GFOD1: variants seen among roughly 807,000 people sequenced by gnomAD.
GFOD1 encodes Gfo/Idh/MocA-like oxidoreductase domain containing 1, also known as glucose-fructose oxidoreductase domain-containing protein 1.
A neutral mutation model predicts 25.4 loss-of-function variants in GFOD1; 9 were observed. The observed-to-expected ratio is 0.35, with a 90% CI of 0.21 to 0.62. The LOEUF (loss-of-function observed/expected upper bound fraction) is 0.62, where lower values mean the gene tolerates loss of function less well. Among genes scored for constraint, GFOD1 ranks in the 20% least tolerant of loss-of-function variants. GFOD1 has a pLI of 0.72. For synonymous variants in GFOD1, 253 were observed against 245.6 expected (o/e 1.03, Z -0.28); for missense variants, 403 against 556.9 (o/e 0.72, Z 2.78).
In GFOD1 at chr6:13,422,191, A is replaced by G. The variant is rs180817944; in HGVS notation, c.254-56529T>C. Reference sequence around the variant, plus strand: ...CCTTTTCCAATTAAGGCTGCCATTCAATACTTAGGTTCTGGTGACAACAAA... The same window carrying G: ...CCTTTTCCAATTAAGGCTGCCATTCGATACTTAGGTTCTGGTGACAACAAA... On this transcript the variant is annotated intron_variant, in intron 1 of 1. Transcript: ENST00000379287. 1.1e-3 allele frequency among the ~76,000 whole-genome samples: 160 copies of G among 152,242 alleles called. 1 individual carries two copies. Among genetic ancestry groups the G allele is most frequent in the African/African-American group, 3.6e-3 (151 of 41,544 alleles).
intron 1 of GFOD1, among the ~76,000 whole-genome samples, chr6:13,453,216 A>G (rs909609348): frequency 2.0e-5 from 3 of 152,166 alleles, no homozygotes; most frequent in African/African-American, 7.2e-5. Flanking sequence ...TGAAATTTCC[A>G]TCCTGCTTCC....
chr6:13,411,511 C>T (rs930469317), intron 1 of GFOD1, among the ~76,000 whole-genome samples: 3 of 151,954 alleles, frequency 2.0e-5, no homozygotes, highest in Non-Finnish European at 4.4e-5. Flanking sequence ...AGGCTGGTCT[C>T]GATCTCCTGA....
At chr6:13,463,795 CTA>C (rs1052760073) in intron 1 of GFOD1, among the ~76,000 whole-genome samples, 20 of 152,052 alleles carry the variant, frequency 1.3e-4, no homozygotes, top group Non-Finnish European at 2.8e-4. Context: ...TATATATATG[CTA>C]TATAGGTACA....
intron 1 of GFOD1, among the ~76,000 whole-genome samples, chr6:13,409,836 T>A (rs1438052672): frequency 6.7e-6 from 1 of 149,640 alleles, no homozygotes; most frequent in Non-Finnish European, 1.5e-5. Context: ...GGCAGGAGAA[T>A]GGTGTAAACC....
In GFOD1 at chr6:13,358,367, T is replaced by C. The variant is rs948965103; in HGVS notation, c.*6376A>G. 6.6e-6 allele frequency: 1 copy of C among 152,116 alleles called. No individual in the cohort carries two copies. The highest frequency in any genetic ancestry group is 2.4e-5 in the African/African-American group (1 of 41,426). The allele number at this position is 152,116 out of a possible 1,614,324, so 9.4% of individuals were successfully genotyped here. A position where few individuals can be genotyped will look rare whatever the true frequency, so the allele number is the denominator to read the frequency against. On this transcript the variant is annotated 3_prime_UTR_variant, in exon 2 of 2. Transcript: ENST00000379287. ...ATGTTTGTAAAACACAATAAATATA[T>C]ACTCGACAATGACAGCCAAACAAAT...
chr6:13,409,700 T>C (rs1389015165), intron 1 of GFOD1, among the ~76,000 whole-genome samples: 3 of 152,160 alleles, frequency 2.0e-5, no homozygotes, highest in Non-Finnish European at 4.4e-5. Flanking sequence ...GATGGGCAGA[T>C]CACGAGGTTG....
rs768632234 is a variant in GFOD1, at chr6:13,365,103, G to A, written c.813C>T (p.Ser271=). 2 of 1,612,542 alleles carry A rather than the reference G, an allele frequency of 1.2e-6. No homozygotes were observed. The highest frequency in any genetic ancestry group is 1.1e-5 in the South Asian group (1 of 91,050). ...VGTDLYGQRN[S]APEQELLVQD... is the part of the protein sequence containing the mutation. ...GCACCAGCAGCTCCTGCTCCGGGGC[G>A]CTGTTGCGCTGCCCGTACAGGTCGG... The change falls in exon 2 of 2, where the codon AGC becomes AGT. Residue 271 remains serine (S), a synonymous_variant. Coordinates refer to ENST00000379287, the MANE Select transcript of GFOD1 (RefSeq NM_018988.4). The surrounding 1 kb of genome is among the most constrained non-coding windows in gnomAD (Gnocchi z 9.2).
intron 1 of GFOD1, among the ~76,000 whole-genome samples, chr6:13,392,986 C>T (rs1292260756): frequency 6.6e-6 from 1 of 151,970 alleles, no homozygotes; most frequent in African/African-American, 2.4e-5. Context: ...TGCTTGAGCC[C>T]AGGACTTCAA....
At chr6:13,454,153 C>T (rs1409241118) in intron 1 of GFOD1, among the ~76,000 whole-genome samples, 1 of 152,178 alleles carries the variant, frequency 6.6e-6, no homozygotes, top group African/African-American at 2.4e-5. Context: ...GGCCAAGGAG[C>T]ATCAGAGACT....
Position 13,430,067 on chromosome 6 carries a change from T to A in GFOD1, c.253+56571A>T, listed in dbSNP as rs150514044. On this transcript the variant is annotated intron_variant, in intron 1 of 1. Coordinates refer to ENST00000379287, the MANE Select transcript of GFOD1 (RefSeq NM_018988.4). This position sits in a 1 kb window ranked among gnomAD's most constrained non-coding sequence, Gnocchi z 4.1. The stretch of plus-strand genomic sequence containing the variant: ...AAAATATGCAGTGGAAATGGCACCA[T>A]GTCACTTCCAAGGGTCAGCTATAAA... Among the ~76,000 whole-genome samples, 29 of 152,310 alleles carry A rather than the reference T, an allele frequency of 1.9e-4. No individual in the cohort carries two copies. In the East Asian group the frequency reaches 5.2e-3, roughly 27 times the overall value.
rs35721181 is a variant in GFOD1 at position 13,360,836 on chromosome 6, C to A, written c.*3907G>T. ...AGACCCCGTAGACATTGATAAGGAG[C>A]GGTTTCCTGCCTGGCAAGAACAGGA... On this transcript the variant is annotated 3_prime_UTR_variant, in exon 2 of 2. Transcript: ENST00000379287. 86 of 456,558 alleles carry A rather than the reference C, an allele frequency of 1.9e-4. No individual in the cohort carries two copies. Among genetic ancestry groups the A allele is most frequent in the Non-Finnish European group, 3.3e-4 (76 of 226,958 alleles). 28.3% of individuals were successfully genotyped at this position (456,558 alleles called of 1,614,324 possible).
chr6:13,425,968 A>C (rs1276294459), intron 1 of GFOD1, among the ~76,000 whole-genome samples: 1 of 152,222 alleles, frequency 6.6e-6, no homozygotes, highest in Non-Finnish European at 1.5e-5. Context: ...GTTGAGCCAC[A>C]TTCAAAGCCG....
chr6:13,378,374 G>A (rs1197008181), intron 1 of GFOD1, among the ~76,000 whole-genome samples: 1 of 152,198 alleles, frequency 6.6e-6, no homozygotes, highest in Non-Finnish European at 1.5e-5. Context: ...ATTGTATTGA[G>A]AAGATTTGGG....
At position 13,393,280 on chromosome 6, in the gene GFOD1, C is replaced by T. The variant is rs1230826044; in HGVS notation, c.254-27618G>A. ...CTGAGGGAGGAGAATCACTTGAACC[C>T]GAGAGGCAGAGGTTGCAGTGGGTGG... On this transcript the variant is annotated intron_variant, in intron 1 of 1. Coordinates refer to ENST00000379287, the MANE Select transcript of GFOD1 (RefSeq NM_018988.4). Among the ~76,000 whole-genome samples the T allele has an allele frequency of 6.7e-5, 10 of 148,972 alleles. No individual in the cohort carries two copies. The East Asian group carries it at 1.4e-3, about 21-fold the overall frequency.
chr6:13,436,196 A>G (rs1310443971), intron 1 of GFOD1, among the ~76,000 whole-genome samples: 1 of 152,254 alleles, frequency 6.6e-6, no homozygotes, highest in African/African-American at 2.4e-5. Context: ...AGCTAAAAGT[A>G]TACAAACATG....
chr6:13,425,485 A>G (rs775899768), intron 1 of GFOD1, among the ~76,000 whole-genome samples: 10 of 152,212 alleles, frequency 6.6e-5, no homozygotes, highest in Non-Finnish European at 1.2e-4. Context: ...TAAAATAGAC[A>G]GGATTAGGAG....
chr6:13,389,129 G>C (rs1785533709), intron 1 of GFOD1, among the ~76,000 whole-genome samples: 1 of 152,242 alleles, frequency 6.6e-6, no homozygotes, highest in African/African-American at 2.4e-5. Flanking sequence ...TGCTGGAGAA[G>C]ATGTGGAGAA....
At chr6:13,382,658 T>A (rs565465031) in intron 1 of GFOD1, among the ~76,000 whole-genome samples, 122 of 152,104 alleles carry the variant, frequency 8.0e-4, no homozygotes, top group Middle Eastern at 3.4e-3. Context: ...CACAGACTTT[T>A]AAAAAAAAAT....
chr6:13,416,100 C>T (rs750645906), intron 1 of GFOD1, among the ~76,000 whole-genome samples: 2 of 152,110 alleles, frequency 1.3e-5, no homozygotes, highest in South Asian at 2.1e-4. Flanking sequence ...TCATGAGATC[C>T]GATGGTTTAA....
Sources: gnomAD v4.1 joint callset for allele counts (sites outside exome capture counted in the v4.1 genomes callset) on GRCh38, gnomAD v4.1.1 for gene constraint, Gnocchi (gnomAD v3.1) non-coding constraint, MANE v1.5 for transcripts, NCBI Gene and HGNC (gene_info 2026-07-23, HGNC 2026-07-21) for gene names.